Variants in KCNH8 observed in about 807,000 individuals in gnomAD.
The protein encoded by KCNH8 is voltage-gated delayed rectifier potassium channel KCNH8.
Under a neutral mutation model 103.6 loss-of-function variants are expected in KCNH8, and 70 were observed. The ratio of observed to expected loss-of-function variants is 0.68; its 90% confidence interval spans 0.56 to 0.82. KCNH8 has a LOEUF of 0.82. Among genes scored for constraint, KCNH8 ranks in the 40% least tolerant of loss-of-function variants. The probability of loss-of-function intolerance (pLI) is 0.00; values close to 1 mark genes in which losing one functional copy is unlikely to be tolerated. For synonymous variants in KCNH8, 498 were observed against 489.4 expected (o/e 1.02, Z -0.23); for missense variants, 1,217 against 1,329.9 (o/e 0.92, Z 1.32).
chr3:19,438,499 C>T (rs1286796377), intron 8 of KCNH8, 138 bp downstream of exon 8: 1 of 720,374 alleles, frequency 1.4e-6, no homozygotes, highest in African/African-American at 1.8e-5. Flanking sequence ...ATTAGACAGT[C>T]TAGATGCAAA....
In KCNH8 at chr3:19,467,148, T is replaced by G. The variant is rs59831441; in HGVS notation, c.2040+10166T>G. On this transcript the variant is annotated intron_variant, in intron 11 of 15. Coordinates refer to ENST00000328405, the MANE Select transcript of KCNH8 (RefSeq NM_144633.3). ...AGTGGTTTGGAAGTGGTCTGAGGTA[T>G]GCCTGTATCATAACTCAGTTTCAGG... is the stretch of plus-strand genomic sequence containing the variant. 9.3e-3 allele frequency among the ~76,000 whole-genome samples: 1,413 copies of G among 152,284 alleles called. 27 individuals are homozygous for G. The highest frequency in any genetic ancestry group is 0.033 in the African/African-American group (1,351 of 41,544).
At chr3:19,269,033 T>C (rs892135325) in intron 2 of KCNH8, among the ~76,000 whole-genome samples, 3 of 152,132 alleles carry the variant, frequency 2.0e-5, no homozygotes, top group African/African-American at 4.8e-5. Context: ...TGTATAGATA[T>C]ATCTGTTTTG....
intron 11 of KCNH8, among the ~76,000 whole-genome samples, chr3:19,470,726 A>T (rs1321992794): frequency 6.6e-6 from 1 of 152,216 alleles, no homozygotes; most frequent in Non-Finnish European, 1.5e-5. Flanking sequence ...TAGCTGCTGG[A>T]CACATAAAGC....
intron 7 of KCNH8, among the ~76,000 whole-genome samples, chr3:19,401,776 A>T (rs543125759): frequency 5.9e-5 from 9 of 152,066 alleles, no homozygotes; most frequent in Admixed American, 2.0e-4. Flanking sequence ...CTGCAGTCTG[A>T]TCTCGTATTT....
At chr3:19,455,020 A>G (rs2067509417) in intron 10 of KCNH8, among the ~76,000 whole-genome samples, 1 of 152,178 alleles carries the variant, frequency 6.6e-6, no homozygotes, top group African/African-American at 2.4e-5. Flanking sequence ...ACATGACATT[A>G]TACTTGACCT....
At chr3:19,479,762 C>G (rs188041436) in intron 11 of KCNH8, among the ~76,000 whole-genome samples, 11 of 152,244 alleles carry the variant, frequency 7.2e-5, no homozygotes, top group African/African-American at 2.2e-4. Context: ...CTATGAGAGT[C>G]GTGGGTTTAT....
In KCNH8 at chr3:19,471,884, A is replaced by G. The variant is rs533811672; in HGVS notation, c.2040+14902A>G. 3.9e-5 allele frequency among the ~76,000 whole-genome samples: 6 copies of G among 152,336 alleles called. No homozygotes were observed. The South Asian group carries it at 1.2e-3, about 32-fold the overall frequency. ...GAGCATTCATAGGAAACATGTTTCC[A>G]TGGGAGAATCAGCTTCATGAGCCAA... is the stretch of plus-strand genomic sequence containing the variant. On this transcript the variant is annotated intron_variant, in intron 11 of 15. Transcript: ENST00000328405.
rs182791885 is a variant in KCNH8, at chr3:19,360,956, C to T, written c.811+12991C>T. Among the ~76,000 whole-genome samples, 4 of 152,068 alleles carry T rather than the reference C, an allele frequency of 2.6e-5. No homozygotes were observed. In the East Asian group the frequency reaches 7.8e-4, roughly 29 times the overall value. ...TATGATGAGTATTCATTTAAGCAGA[C>T]ATTAATATATGACAACAGAAATTGG... is the stretch of plus-strand genomic sequence containing the variant. On this transcript the variant is annotated intron_variant, in intron 5 of 15. Transcript: ENST00000328405.
intron 5 of KCNH8, among the ~76,000 whole-genome samples, chr3:19,356,339 C>T (rs533983743): frequency 1.5e-4 from 23 of 151,942 alleles, no homozygotes; most frequent in Admixed American, 1.3e-3. Flanking sequence ...TTCCCCAGAC[C>T]ACTTAGTAAT....
chr3:19,278,741 A>G (rs997649223), intron 2 of KCNH8, among the ~76,000 whole-genome samples: 1 of 152,188 alleles, frequency 6.6e-6, no homozygotes, highest in Non-Finnish European at 1.5e-5. Flanking sequence ...TTGAATTTAT[A>G]AAATGTTAGT....
chr3:19,479,141 G>A (rs2068035777), intron 11 of KCNH8, among the ~76,000 whole-genome samples: 1 of 152,070 alleles, frequency 6.6e-6, no homozygotes, highest in African/African-American at 2.4e-5. Flanking sequence ...CTGGCGCACA[G>A]ACCTTTTACT....
chr3:19,373,181 G>A (rs992166050), intron 5 of KCNH8, among the ~76,000 whole-genome samples: 12 of 152,162 alleles, frequency 7.9e-5, no homozygotes, highest in African/African-American at 2.9e-4. Flanking sequence ...GTTTCAGAAG[G>A]AATGGTACCA....
intron 11 of KCNH8, 116 bp from the exon 12 acceptor site, chr3:19,510,247 C>T (rs1183664409): frequency 4.3e-6 from 3 of 697,936 alleles, no homozygotes; most frequent in Non-Finnish European, 7.9e-6. Context: ...CCTTCCTGTG[C>T]TCCTTCCCTC....
intron 1 of KCNH8, among the ~76,000 whole-genome samples, chr3:19,252,988 A>G (rs914038794): frequency 1.3e-5 from 2 of 152,152 alleles, no homozygotes; most frequent in African/African-American, 4.8e-5. Context: ...TTGACATCCC[A>G]GGAGTGAACT....
At chr3:19,498,332 C>A (rs534497059) in intron 11 of KCNH8, among the ~76,000 whole-genome samples, 1 of 152,082 alleles carries the variant, frequency 6.6e-6, no homozygotes, top group African/African-American at 2.4e-5. Flanking sequence ...TATAGTGTCA[C>A]TGGTCTGTGT....
intron 5 of KCNH8, among the ~76,000 whole-genome samples, chr3:19,373,345 T>A (rs960810246): frequency 2.6e-5 from 4 of 152,018 alleles, no homozygotes; most frequent in Admixed American, 6.6e-5. Context: ...GTTGGGAGAG[T>A]GTATGTGTCA....
chr3:19,402,058 G>A (rs2066621150), intron 7 of KCNH8, among the ~76,000 whole-genome samples: 1 of 151,972 alleles, frequency 6.6e-6, no homozygotes, highest in East Asian at 1.9e-4. Flanking sequence ...CTGTTATCAT[G>A]TAAGTTTGAG....
At chr3:19,315,142 A>G (rs1000430567) in intron 3 of KCNH8, among the ~76,000 whole-genome samples, 1 of 151,952 alleles carries the variant, frequency 6.6e-6, no homozygotes, top group African/African-American at 2.4e-5. Context: ...CATGTTCTAG[A>G]ATCATAACAA....
At chr3:19,228,885 A>G (rs1056839878) in intron 1 of KCNH8, among the ~76,000 whole-genome samples, 28 of 152,366 alleles carry the variant, frequency 1.8e-4, no homozygotes, top group African/African-American at 6.5e-4. Flanking sequence ...GTGCACTTTT[A>G]TAGGAGGTAA....
Sources: allele counts gnomAD v4.1 joint callset (sites outside exome capture counted in the v4.1 genomes callset), GRCh38; gene constraint gnomAD v4.1.1; transcripts MANE v1.5; gene names NCBI Gene and HGNC (gene_info 2026-07-23, HGNC 2026-07-21).